Variants in C8orf34 observed in about 807,000 individuals in gnomAD.
C8orf34 encodes chromosome 8 open reading frame 34.
C8orf34 carries 65 observed loss-of-function variants against 68.3 expected under a neutral mutation model. The ratio of observed to expected loss-of-function variants is 0.95; its 90% CI spans 0.78 to 1.17. The LOEUF (loss-of-function observed/expected upper bound fraction) is 1.17, where lower values mean the gene tolerates loss of function less well. Ranked by LOEUF, C8orf34 falls within the 50% of genes most tolerant of loss-of-function variation. C8orf34 has a pLI of 0.00. For missense variants in C8orf34, 664 were observed against 655.4 expected (o/e 1.01, Z -0.14); for synonymous variants, 244 against 241.2 (o/e 1.01, Z -0.11).
At chr8:68,678,747 A>G (rs1220137333) in intron 8 of C8orf34, among the ~76,000 whole-genome samples, 1 of 152,094 alleles carries the variant, frequency 6.6e-6, no homozygotes, top group Non-Finnish European at 1.5e-5. Context: ...AGCTAGAGCA[A>G]TCAGATAAGA....
intron 7 of C8orf34, among the ~76,000 whole-genome samples, chr8:68,597,896 A>C (rs1817592842): frequency 6.6e-6 from 1 of 152,162 alleles, no homozygotes; most frequent in African/African-American, 2.4e-5. Flanking sequence ...TTTTAAAACT[A>C]GAAAGTTTTT....
At chr8:68,475,639 T>C (rs962380588) in intron 4 of C8orf34, among the ~76,000 whole-genome samples, 50 of 152,018 alleles carry the variant, frequency 3.3e-4, no homozygotes, top group African/African-American at 1.1e-3. Flanking sequence ...TGCTTAAAAA[T>C]AAATAGATAG....
intron 10 of C8orf34, among the ~76,000 whole-genome samples, chr8:68,751,296 C>T (rs562489954): frequency 7.9e-5 from 12 of 152,254 alleles, no homozygotes; most frequent in Admixed American, 3.3e-4. Flanking sequence ...CCAGGAAGAA[C>T]GCAGAGCTTG....
chr8:68,483,855 AGAG>A (rs993166287), intron 4 of C8orf34, among the ~76,000 whole-genome samples: 4 of 152,202 alleles, frequency 2.6e-5, no homozygotes, highest in Middle Eastern at 3.2e-3. Context: ...TTTATCCAGA[AGAG>A]AAGCTCAGTT....
chr8:68,365,018 AAGAG>A (rs1478658090), intron 1 of C8orf34, among the ~76,000 whole-genome samples: 2 of 151,494 alleles, frequency 1.3e-5, no homozygotes, highest in African/African-American at 2.4e-5. Flanking sequence ...TAAAGAAAAA[AAGAG>A]AGAAGAATCA....
intron 8 of C8orf34, among the ~76,000 whole-genome samples, chr8:68,669,202 A>T (rs1321583281): frequency 6.6e-6 from 1 of 152,160 alleles, no homozygotes; most frequent in Non-Finnish European, 1.5e-5. Flanking sequence ...ATGTAGTTTC[A>T]TTGATTGTAA....
intron 7 of C8orf34, among the ~76,000 whole-genome samples, chr8:68,633,268 A>G (rs2130706140): frequency 6.6e-6 from 1 of 152,318 alleles, no homozygotes; most frequent in African/African-American, 2.4e-5. Flanking sequence ...AGCCTCTCCA[A>G]TAGAGGGGAG....
At chr8:68,377,848 C>T (rs541528247) in intron 1 of C8orf34, among the ~76,000 whole-genome samples, 68 of 152,200 alleles carry the variant, frequency 4.5e-4, no homozygotes, top group African/African-American at 1.6e-3. Flanking sequence ...CCTCAGGAAA[C>T]TTACAATCAC....
At chr8:68,639,426 C>A (rs770337819) in intron 7 of C8orf34, among the ~76,000 whole-genome samples, 5 of 151,852 alleles carry the variant, frequency 3.3e-5, no homozygotes, top group African/African-American at 9.7e-5. Context: ...TTATTTGACA[C>A]TCATTTGTAA....
chr8:68,532,596 A>G (rs1412499630), intron 6 of C8orf34, among the ~76,000 whole-genome samples: 1 of 152,188 alleles, frequency 6.6e-6, no homozygotes, highest in Non-Finnish European at 1.5e-5. Context: ...TCTTAATGTA[A>G]TATTATAAAA....
intron 1 of C8orf34, among the ~76,000 whole-genome samples, chr8:68,351,746 A>C (rs1204510232): frequency 6.6e-6 from 1 of 152,014 alleles, no homozygotes; most frequent in African/African-American, 2.4e-5. Context: ...CTATATGGTA[A>C]GAATAGGTTT....
chr8:68,552,823 A>T (rs1194028933), intron 7 of C8orf34, among the ~76,000 whole-genome samples: 1 of 139,048 alleles, frequency 7.2e-6, no homozygotes, highest in African/African-American at 2.7e-5. Flanking sequence ...CGAGATGATC[A>T]TGTGGTTTTT....
chr8:68,615,769 T>C (rs1818189526), intron 7 of C8orf34, among the ~76,000 whole-genome samples: 1 of 152,204 alleles, frequency 6.6e-6, no homozygotes, highest in African/African-American at 2.4e-5. Context: ...GTTTTGTCTC[T>C]GCCCAGCTTT....
At chr8:68,472,231 C>T (rs181711848) in intron 4 of C8orf34, among the ~76,000 whole-genome samples, 3 of 152,224 alleles carry the variant, frequency 2.0e-5, no homozygotes, top group Admixed American at 1.3e-4. Flanking sequence ...GTGCCTTGAG[C>T]CCTCACTTTG....
At position 68,423,273 on chromosome 8, in the gene C8orf34, A is replaced by T. The variant is rs113418421; in HGVS notation, c.328-16226A>T. The stretch of plus-strand genomic sequence containing the variant: ...CTCTTGAATGCTTTGCTGCTTAAAA[A>T]TTTCTTCTGCCAGATACCCTAAATC... On this transcript the variant is annotated intron_variant, in intron 1 of 13. Coordinates refer to ENST00000518698, the MANE Select transcript of C8orf34 (RefSeq NM_052958.4). 6.5e-3 allele frequency among the ~76,000 whole-genome samples: 994 copies of T among 152,208 alleles called. 11 individuals carry two copies. The highest frequency in any genetic ancestry group is 0.023 in the African/African-American group (954 of 41,544).
chr8:68,602,142 A>G (rs1171631787), intron 7 of C8orf34, among the ~76,000 whole-genome samples: 1 of 152,026 alleles, frequency 6.6e-6, no homozygotes, highest in African/African-American at 2.4e-5. Flanking sequence ...GAGTTAATCC[A>G]CTGCCATGTG....
chr8:68,753,001 T>A (rs1822751996), intron 10 of C8orf34, among the ~76,000 whole-genome samples: 1 of 152,222 alleles, frequency 6.6e-6, no homozygotes, highest in South Asian at 2.1e-4. Context: ...GGTTCTAATT[T>A]CCTCCCAATC....
intron 1 of C8orf34, among the ~76,000 whole-genome samples, chr8:68,377,457 G>A (rs1807852888): frequency 6.6e-6 from 1 of 151,904 alleles, no homozygotes; most frequent in Non-Finnish European, 1.5e-5. Flanking sequence ...AGGAGGGGGA[G>A]GAGGAAGAAA....
intron 1 of C8orf34, among the ~76,000 whole-genome samples, chr8:68,347,945 T>G (rs1482241655): frequency 6.6e-6 from 1 of 152,154 alleles, no homozygotes; most frequent in Non-Finnish European, 1.5e-5. Context: ...TCTTTTGCTG[T>G]GCAGAAGCTC....
Sources: allele counts gnomAD v4.1 joint callset (sites outside exome capture counted in the v4.1 genomes callset), GRCh38; gene constraint gnomAD v4.1.1; transcripts MANE v1.5; gene names NCBI Gene and HGNC (gene_info 2026-07-23, HGNC 2026-07-21).